STOM: variants seen among roughly 807,000 people sequenced by gnomAD.
The protein encoded by STOM is stomatin.
A neutral mutation model predicts 30.6 loss-of-function variants in STOM; 25 were observed. The ratio of observed to expected loss-of-function variants is 0.82; its 90% CI spans 0.60 to 1.14. The LOEUF (loss-of-function observed/expected upper bound fraction) is 1.14. Ranked by LOEUF, STOM falls within the 50% of genes most tolerant of loss-of-function variation. STOM has a pLI of 0.00. For synonymous variants in STOM, 118 were observed against 130.8 expected, an observed-to-expected ratio of 0.90 and a Z score of 0.67; for missense variants, 292 against 365.2, an observed-to-expected ratio of 0.80 and a Z score of 1.63.
rs2064368435 is a variant in STOM, at chr9:121,354,614, T to G, written c.225A>C (p.Gly75=). The G allele has an allele frequency of 3.7e-6, 6 of 1,612,148 alleles. No individual in the cohort carries two copies. The East Asian group carries it at 1.1e-4, about 30-fold the overall frequency. ...CCCAGTACTGACCAGGTCCTTTGGC[T>G]CCTCCTTGTAAAATGCGACCCAATC... The part of the protein sequence containing the change: ...IFRLGRILQG[G]AKGPGLFFIL... The change falls in exon 3 of 7, where the codon GGA becomes GGC. Residue 75 remains glycine, a synonymous_variant. Coordinates refer to ENST00000286713, the MANE Select transcript of STOM (RefSeq NM_004099.6).
chr9:121,354,928 C>G (rs2064371043), intron 2 of STOM, among the ~76,000 whole-genome samples: 1 of 151,944 alleles, frequency 6.6e-6, no homozygotes. Flanking sequence ...AGAAACAAAT[C>G]CATAACCTCA....
chr9:121,341,739 G>C (rs1366651139), intron 6 of STOM, among the ~76,000 whole-genome samples: 3 of 152,166 alleles, frequency 2.0e-5, no homozygotes, highest in Non-Finnish European at 4.4e-5. Context: ...AAATCCTTTT[G>C]CAAGTCAGCA....
chr9:121,347,949 G>T, intron 6 of STOM, 66 bp downstream of exon 6: 9 of 1,513,706 alleles, frequency 5.9e-6, no homozygotes, highest in Non-Finnish European at 6.2e-6. Flanking sequence ...CATGTTTTAC[G>T]TTTTTTTATA....
chr9:121,367,673 TTACC>T (rs1206727766), intron 1 of STOM, among the ~76,000 whole-genome samples: 6 of 152,232 alleles, frequency 3.9e-5, no homozygotes, highest in Admixed American at 6.5e-5. Flanking sequence ...CTGGTGCTAT[TTACC>T]TACCTAGGAC....
chr9:121,354,793 C>G (rs1387309389), intron 2 of STOM, 120 bp from the exon 3 acceptor site: 1 of 642,686 alleles, frequency 1.6e-6, no homozygotes, highest in African/African-American at 1.9e-5. Flanking sequence ...TTCTTTAGAA[C>G]CAGATCATAT....
At position 121,340,103 on chromosome 9, in the gene STOM, T is replaced by C; in HGVS notation, c.*1099A>G. 1 of 978,730 alleles carries C rather than the reference T, an allele frequency of 1.0e-6. No homozygotes were observed. The highest frequency in any genetic ancestry group is 4.7e-5 in the South Asian group (1 of 21,156). 60.6% of individuals were successfully genotyped at this position (978,730 alleles called of 1,614,324 possible). On this transcript the variant is annotated 3_prime_UTR_variant, in exon 7 of 7. Transcript: ENST00000286713. ...ACGTAGAGAAAATTTTATTAAAAAA[T>C]TAAAACTATTTAAAACCTGATATAT...
At position 121,370,214 on chromosome 9, in the gene STOM, C is replaced by G. The variant is rs1304437262; in HGVS notation, c.-27G>C. 2 of 1,543,566 alleles carry G rather than the reference C, an allele frequency of 1.3e-6. No individual in the cohort carries two copies. Among genetic ancestry groups the G allele is most frequent in the South Asian group, 1.2e-5 (1 of 83,802 alleles). The stretch of plus-strand genomic sequence containing the variant: ...CTGCCCGAGACGCAGTCGCACTCCC[C>G]CGTCCTCGTTGCCAAACCCGGAGCC... On this transcript the variant is annotated 5_prime_UTR_variant, in exon 1 of 7. Transcript: ENST00000286713.
At chr9:121,364,837 T>G (rs2064487900) in intron 1 of STOM, among the ~76,000 whole-genome samples, 1 of 152,200 alleles carries the variant, frequency 6.6e-6, no homozygotes, top group Non-Finnish European at 1.5e-5. Flanking sequence ...TTTATCACAC[T>G]TGTAATTATT....
At chr9:121,360,585 C>T (rs1055594568) in intron 1 of STOM, among the ~76,000 whole-genome samples, 1 of 152,154 alleles carries the variant, frequency 6.6e-6, no homozygotes, top group Non-Finnish European at 1.5e-5. Flanking sequence ...TTCTATTTTA[C>T]TTAAGTGTTT....
In STOM at chr9:121,344,789, C is replaced by T. The variant is rs149988163; in HGVS notation, c.660+3226G>A. On this transcript the variant is annotated intron_variant, in intron 6 of 6. Coordinates refer to ENST00000286713, the MANE Select transcript of STOM (RefSeq NM_004099.6). ...CTCCATCCTCTCAATTAATAGACTT[C>T]TACACCCAGAAACATGAGCCCAAAA... 6.4e-4 allele frequency among the ~76,000 whole-genome samples: 97 copies of T among 152,300 alleles called. No homozygotes were observed. The Middle Eastern group carries it at 0.01, about 16-fold the overall frequency.
At chr9:121,365,211 A>G (rs1030376919) in intron 1 of STOM, among the ~76,000 whole-genome samples, 19 of 152,110 alleles carry the variant, frequency 1.2e-4, no homozygotes, top group African/African-American at 3.4e-4. Context: ...TACAGTACAG[A>G]ACCATCTCCT....
intron 1 of STOM, among the ~76,000 whole-genome samples, chr9:121,361,170 G>C (rs751174955): frequency 1.3e-5 from 2 of 152,028 alleles, no homozygotes; most frequent in African/African-American, 2.4e-5. Flanking sequence ...GCATAGCTCA[G>C]AGGTGAGGCT....
chr9:121,348,824 A>G (rs1193929804), intron 5 of STOM, among the ~76,000 whole-genome samples: 1 of 152,218 alleles, frequency 6.6e-6, no homozygotes, highest in East Asian at 1.9e-4. Context: ...CTTTAGGAAT[A>G]CCTACACTAT....
In STOM at chr9:121,341,206, C is replaced by G. The variant is rs932872444; in HGVS notation, c.863G>C (p.Gly288Ala). 2 of 1,614,016 alleles carry G rather than the reference C, an allele frequency of 1.2e-6. No individual in the cohort carries two copies. Among genetic ancestry groups the G allele is most frequent in the Non-Finnish European group, 1.7e-6 (2 of 1,180,036 alleles). ...AGGCTAGCGCTCATCTCTACACTAG[C>G]CTAGATGGCTGTGTTTTGCCCCTAT... ...GIIGAKHSHL[G>A] Residue 288 changes from glycine (G) to alanine (A), a missense_variant, in exon 7 of 7, where the codon GGC becomes GCC. Physicochemically the swap from Gly to Ala is moderately conservative, Grantham distance 60. Coordinates refer to ENST00000286713, the MANE Select transcript of STOM (RefSeq NM_004099.6).
chr9:121,364,031 G>T (rs1412121331), intron 1 of STOM, among the ~76,000 whole-genome samples: 1 of 151,978 alleles, frequency 6.6e-6, no homozygotes, highest in Admixed American at 6.6e-5. Flanking sequence ...AGGAGAAAAA[G>T]ACAAAGAAGG....
Position 121,339,700 on chromosome 9 carries a change from T to C in STOM, c.*1502A>G. 8.1e-7 allele frequency: 1 copy of C among 1,231,446 alleles called. No homozygotes were observed. The highest frequency in any genetic ancestry group is 1.0e-6 in the Non-Finnish European group (1 of 987,814). 76.3% of individuals were successfully genotyped at this position (1,231,446 alleles called of 1,614,324 possible). On this transcript the variant is annotated 3_prime_UTR_variant, in exon 7 of 7. Coordinates refer to ENST00000286713, the MANE Select transcript of STOM (RefSeq NM_004099.6). ...TAAGCAGAATGCCAGGTTGCTCAGA[T>C]TCACAGACATTTGCAAAACAGAAGA...
intron 1 of STOM, among the ~76,000 whole-genome samples, chr9:121,363,377 T>A (rs570708523): frequency 6.6e-6 from 1 of 152,152 alleles, no homozygotes; most frequent in South Asian, 2.1e-4. Flanking sequence ...TAAAAACATA[T>A]GTATTCAGGA....
chr9:121,359,323 G>A (rs1402020210), intron 1 of STOM, among the ~76,000 whole-genome samples: 6 of 152,204 alleles, frequency 3.9e-5, no homozygotes, highest in African/African-American at 1.4e-4. Flanking sequence ...CAGAAATATA[G>A]TGAGTACTTG....
chr9:121,362,746 C>T (rs1329175671), intron 1 of STOM, among the ~76,000 whole-genome samples: 1 of 152,150 alleles, frequency 6.6e-6, no homozygotes, highest in Non-Finnish European at 1.5e-5. Context: ...TTAAAATATG[C>T]CTCCTGAAGT....
Sources: allele counts gnomAD v4.1 joint callset (sites outside exome capture counted in the v4.1 genomes callset), GRCh38; gene constraint gnomAD v4.1.1; transcripts MANE v1.5; gene names NCBI Gene and HGNC (gene_info 2026-07-23, HGNC 2026-07-21).